The following FLOT1 variants were observed in gnomAD, a reference collection of about 807,000 sequenced individuals.
The protein encoded by FLOT1 is flotillin 1, also known as flotillin-1.
Under a neutral mutation model 58.4 loss-of-function variants are expected in FLOT1, and 40 were observed. The ratio of observed to expected loss-of-function variants is 0.69; its 90% confidence interval spans 0.53 to 0.89. The LOEUF (loss-of-function observed/expected upper bound fraction) is 0.89, where lower values mean the gene tolerates loss of function less well. Ranked by LOEUF, FLOT1 falls within the 40% of genes least tolerant of loss-of-function variation. FLOT1 has a pLI of 0.00. For synonymous variants in FLOT1, 178 were observed against 204.2 expected, an observed-to-expected ratio of 0.87 and a Z score of 1.09; for missense variants, 423 against 540.8, an observed-to-expected ratio of 0.78 and a Z score of 2.16.
chr6:30,742,089 A>G lies in FLOT1; in HGVS notation c.43+58T>C, dbSNP rs1778033354. Reference sequence around the variant, plus strand: ...TGGTAGGGAGAGGGAGAAGGGGCAGAGGCCAGACTCACAGGGGTTCTGGGG... The same window carrying G: ...TGGTAGGGAGAGGGAGAAGGGGCAGGGGCCAGACTCACAGGGGTTCTGGGG... On this transcript the variant is annotated intron_variant, in intron 2 of 12. Coordinates refer to ENST00000376389, the MANE Select transcript of FLOT1 (RefSeq NM_005803.4). This position sits in a 1 kb window ranked among gnomAD's most constrained non-coding sequence, Gnocchi z 5.2. The G allele has an allele frequency of 6.4e-7, 1 of 1,561,530 alleles. No homozygotes were observed. Among genetic ancestry groups the G allele is most frequent in the Non-Finnish European group, 8.8e-7 (1 of 1,135,042 alleles).
intron 8 of FLOT1, among the ~76,000 whole-genome samples, chr6:30,733,615 C>A (rs1346292880): frequency 6.6e-6 from 1 of 151,718 alleles, no homozygotes; most frequent in African/African-American, 2.4e-5. Context: ...GTGGCACATA[C>A]CTGTAGTCCC....
intron 8 of FLOT1, among the ~76,000 whole-genome samples, chr6:30,739,808 C>T (rs1446975476): frequency 6.6e-6 from 1 of 152,118 alleles, no homozygotes; most frequent in Non-Finnish European, 1.5e-5. Flanking sequence ...ACTACAGGCC[C>T]GAGCTGCCAT....
At chr6:30,740,093 T>C in intron 8 of FLOT1, 65 bp downstream of exon 8, 1 of 1,503,404 alleles carries the variant, frequency 6.7e-7, no homozygotes, top group South Asian at 1.2e-5. Flanking sequence ...TGTAGTGGTG[T>C]CCTGAGATGG....
intron 11 of FLOT1, 56 bp downstream of exon 11, chr6:30,730,372 C>G: frequency 1.3e-6 from 2 of 1,533,590 alleles, no homozygotes; most frequent in Non-Finnish European, 1.8e-6. Flanking sequence ...CTACACCCCA[C>G]CCCTTAGTCC....
rs537147408 is a variant in FLOT1 at position 30,742,591 on chromosome 6, G to A, written c.-79C>T. 5.1e-5 allele frequency: 12 copies of A among 235,834 alleles called. No homozygotes were observed. The South Asian group carries it at 6.5e-4, about 13-fold the overall frequency. The allele number at this position is 235,834 out of a possible 1,614,324, so 14.6% of individuals were successfully genotyped here. A position where few individuals can be genotyped will look rare whatever the true frequency, so the allele number is the denominator to read the frequency against. The stretch of plus-strand genomic sequence containing the variant: ...AAGGGCGGGGTCGCGCAGGGACCTG[G>A]GAGCCGGGCAGGGGCCGCTCGCAGA... On this transcript the variant is annotated 5_prime_UTR_variant, in exon 1 of 13. Transcript: ENST00000376389. This position sits in a 1 kb window ranked among gnomAD's most constrained non-coding sequence, Gnocchi z 5.2.
chr6:30,740,947 C>G (rs571256041), intron 5 of FLOT1, 149 bp from the exon 6 acceptor site: 1 of 1,250,210 alleles, frequency 8.0e-7, no homozygotes, highest in Non-Finnish European at 1.1e-6. Flanking sequence ...TCACCATACC[C>G]AGCTAATTTT....
In FLOT1 at chr6:30,742,307, C is replaced by G; in HGVS notation, c.-14-104G>C. 1 of 926,474 alleles carries G rather than the reference C, an allele frequency of 1.1e-6. No homozygotes were observed. Among genetic ancestry groups the G allele is most frequent in the Non-Finnish European group, 1.8e-6 (1 of 564,620 alleles). The allele number at this position is 926,474 out of a possible 1,614,324, so 57.4% of individuals were successfully genotyped here. A position where few individuals can be genotyped will look rare whatever the true frequency, so the allele number is the denominator to read the frequency against. ...CCCGTCAGGCCCTCCCAGTCTGCAT[C>G]CGCCACGGCCCGTCCCTTCTACACC... On this transcript the variant is annotated intron_variant, in intron 1 of 12. Coordinates refer to ENST00000376389, the MANE Select transcript of FLOT1 (RefSeq NM_005803.4). The surrounding 1 kb of genome is among the most constrained non-coding windows in gnomAD (Gnocchi z 5.2).
chr6:30,736,589 A>G (rs1777581398), intron 8 of FLOT1, among the ~76,000 whole-genome samples: 2 of 148,472 alleles, frequency 1.3e-5, no homozygotes, highest in African/African-American at 2.5e-5. Context: ...AAAGAGCCCA[A>G]CTCATCTTTT....
At position 30,742,151 on chromosome 6, in the gene FLOT1, G is replaced by A. The variant is rs765434074; in HGVS notation, c.39C>T (p.Val13=). 1.9e-6 allele frequency: 3 copies of A among 1,612,802 alleles called. No individual in the cohort carries two copies. The South Asian group carries it at 3.3e-5, about 18-fold the overall frequency. Residue 13 remains valine, a synonymous_variant, in exon 2 of 13, where the codon GTC becomes GTT. Transcript: ENST00000376389. The surrounding 1 kb of genome is among the most constrained non-coding windows in gnomAD (Gnocchi z 5.2). ...GAAGGGAACAACAGTACTTACCGGA[G>A]ACCACCATGGCCTCATTTGGGCCAC... is the stretch of plus-strand genomic sequence containing the variant. ...FTCGPNEAMV[V]SGFCRSPPVM...
rs961682492 is a variant in FLOT1, at chr6:30,730,536, T to C, written c.981A>G (p.Ile327Met). The change falls in exon 11 of 13, where the codon ATA (isoleucine) becomes ATG (methionine). Residue 327 changes from isoleucine (I) to methionine (M), a missense_variant. Transcript: ENST00000376389. ...CAGCCTCGGCTCGGGCTCGGGCCCC[T>C]ATGGCAAAGGCCTCAGCTTCCCCAC... ...RMRGEAEAFA[I>M]GARARAEAEQ... 1 of 1,611,188 alleles carries C rather than the reference T, an allele frequency of 6.2e-7. No individual in the cohort carries two copies. The highest frequency in any genetic ancestry group is 1.3e-5 in the African/African-American group (1 of 74,886).
At chr6:30,730,257 G>T in intron 11 of FLOT1, 71 bp from the exon 12 acceptor site, 2 of 1,569,284 alleles carry the variant, frequency 1.3e-6, no homozygotes, top group Non-Finnish European at 1.7e-6. Flanking sequence ...CTTACTCTGG[G>T]TTTTAAGGTC....
chr6:30,734,046 GAA>G (rs796499603), intron 8 of FLOT1, among the ~76,000 whole-genome samples: 195 of 48,760 alleles, frequency 4.0e-3, no homozygotes, highest in African/African-American at 0.011. Flanking sequence ...CCCTGTCTCT[GAA>G]AAAAAAAAAA....
In FLOT1 at chr6:30,740,533, A is replaced by G; in HGVS notation, c.533T>C (p.Ile178Thr). The G allele has an allele frequency of 6.2e-7, 1 of 1,612,880 alleles. No homozygotes were observed. Among genetic ancestry groups the G allele is most frequent in the South Asian group, 1.1e-5 (1 of 91,070 alleles). ...RTAQVQKDAR[I>T]GEAEAKRDAG... is the part of the protein sequence containing the mutation. Reference sequence around the variant, plus strand: ...ATCTCTCTTGGCCTCTGCTTCTCCAATCCGTGCATCTTTTTGGACTTGAGC... The same window carrying G: ...ATCTCTCTTGGCCTCTGCTTCTCCAGTCCGTGCATCTTTTTGGACTTGAGC... The change falls in exon 7 of 13, where the codon ATT becomes ACT. Residue 178 changes from isoleucine to threonine, a missense_variant. By Grantham distance (89) the Ile-to-Thr change is moderately conservative (BLOSUM62 -1). This residue lies in a region of FLOT1 where 137 missense variants were observed against 194.6 expected (regional missense o/e 0.70). Coordinates refer to ENST00000376389, the MANE Select transcript of FLOT1 (RefSeq NM_005803.4).
chr6:30,733,757 A>G (rs1286157674), intron 8 of FLOT1, among the ~76,000 whole-genome samples: 13 of 122,852 alleles, frequency 1.1e-4, no homozygotes, highest in South Asian at 5.6e-4. Flanking sequence ...AAAAAAAAAG[A>G]AAAGAAAGCT....
intron 8 of FLOT1, chr6:30,736,388 A>C (rs1057409474): frequency 1.3e-5 from 2 of 151,628 alleles, no homozygotes; most frequent in Non-Finnish European, 2.9e-5. Context: ...CAATCAATTG[A>C]GATAACTCAC....
intron 8 of FLOT1, among the ~76,000 whole-genome samples, chr6:30,731,811 A>G (rs1777225409): frequency 6.6e-6 from 1 of 151,938 alleles, no homozygotes; most frequent in South Asian, 2.1e-4. Context: ...GATTTAACAG[A>G]AAAAAAAGTG....
In FLOT1 at chr6:30,730,517, CGGCTCG is replaced by C. The variant is rs770109618; in HGVS notation, c.994_999del (p.Arg332_Ala333del). The C allele has an allele frequency of 1.2e-6, 2 of 1,610,906 alleles. No individual in the cohort carries two copies. Among genetic ancestry groups the C allele is most frequent in the South Asian group, 2.2e-5 (2 of 90,900 alleles). On this transcript the variant is annotated inframe_deletion, in exon 11 of 13. Coordinates refer to ENST00000376389, the MANE Select transcript of FLOT1 (RefSeq NM_005803.4). ...GCCTTCTTGGCCATCTGCTCAGCCTCGGCTCGGGCTCGGGCCCCTATGGCAAAGGCC... is the reference window on the plus strand; with the variant it reads ...GCCTTCTTGGCCATCTGCTCAGCCTCGGCTCGGGCCCCTATGGCAAAGGCC...
intron 9 of FLOT1, 91 bp downstream of exon 9, chr6:30,730,828 A>G: frequency 6.3e-7 from 1 of 1,597,730 alleles, no homozygotes; most frequent in Non-Finnish European, 8.6e-7. Flanking sequence ...CCTGAAATCC[A>G]TAGGAGTCCA....
At chr6:30,738,879 G>A (rs530384143) in intron 8 of FLOT1, among the ~76,000 whole-genome samples, 69 of 152,248 alleles carry the variant, frequency 4.5e-4, no homozygotes, top group African/African-American at 1.6e-3. Flanking sequence ...ACGGCTTACG[G>A]TATGAGAGCT....
Sources: allele counts gnomAD v4.1 joint callset (sites outside exome capture counted in the v4.1 genomes callset), GRCh38; gene constraint gnomAD v4.1.1; regional missense constraint gnomAD v4.1.1; non-coding constraint Gnocchi (gnomAD v3.1); transcripts MANE v1.5; gene names NCBI Gene and HGNC (gene_info 2026-07-23, HGNC 2026-07-21).